Variants in C19orf18 observed in about 807,000 individuals in gnomAD.
C19orf18 encodes the protein uncharacterized protein C19orf18.
A neutral mutation model predicts 23.3 loss-of-function variants in C19orf18; 21 were observed. The observed-to-expected ratio is 0.90, with a 90% CI of 0.64 to 1.30. The LOEUF is 1.30. C19orf18 is among the 50% of genes most tolerant of loss of function. The probability of loss-of-function intolerance (pLI) is 0.00; values close to 1 mark genes in which losing one functional copy is unlikely to be tolerated. For synonymous variants in C19orf18, 96 were observed against 95.2 expected (o/e 1.01, Z -0.05); for missense variants, 249 against 259.6 (o/e 0.96, Z 0.28).
At chr19:57,973,223 A>G (rs2072959092) in intron 2 of C19orf18, among the ~76,000 whole-genome samples, 1 of 150,472 alleles carries the variant, frequency 6.6e-6, no homozygotes, top group African/African-American at 2.5e-5. Context: ...GGGAACCAAC[A>G]ATAGTGTCCT....
chr19:57,966,377 CACATGTTGAAAA>C (rs2072908227), intron 4 of C19orf18, among the ~76,000 whole-genome samples, 141 bp downstream of exon 4: 1 of 151,968 alleles, frequency 6.6e-6, no homozygotes, highest in South Asian at 2.1e-4. Context: ...GAGTACAATC[CACATGTTGAAAA>C]ACACTAATCT....
rs199668166 is a variant in C19orf18 at position 57,958,599 on chromosome 19, C to A, written c.*3G>T. On this transcript the variant is annotated 3_prime_UTR_variant, in exon 6 of 6. Transcript: ENST00000314391. ...CCTCAGCCGGCACCTCTGTCGTCTG[C>A]GTTCACAAGTCTTCCATTTTTCCAT... 6.3e-7 allele frequency: 1 copy of A among 1,581,918 alleles called. No individual in the cohort carries two copies. Among genetic ancestry groups the A allele is most frequent in the East Asian group, 2.3e-5 (1 of 44,410 alleles).
At chr19:57,963,345 T>A (rs2072886388) in intron 4 of C19orf18, among the ~76,000 whole-genome samples, 1 of 151,578 alleles carries the variant, frequency 6.6e-6, no homozygotes, top group African/African-American at 2.4e-5. Flanking sequence ...TCAGTATTTT[T>A]AAAAATTGAA....
Position 57,961,470 on chromosome 19 carries a change from T to C in C19orf18, c.453A>G (p.Glu151=). ...ACTCACCCTCGTCCTCTGAGCCCTC[T>C]TCTTCATCTCCTAATAACGGTATCC... ...NLRIPLLGDE[E]EGSEDEGEST... is the part of the protein sequence containing the mutation. Residue 151 remains glutamate (E), a synonymous_variant, in exon 5 of 6, where the codon GAA becomes GAG. Transcript: ENST00000314391. The C allele has an allele frequency of 6.2e-7, 1 of 1,614,208 alleles. No individual in the cohort carries two copies. The highest frequency in any genetic ancestry group is 8.5e-7 in the Non-Finnish European group (1 of 1,180,034).
At position 57,961,245 on chromosome 19, in the gene C19orf18, TGAAAGAAAGAAAGGAAGGAA is replaced by T. The variant is rs1455887061; in HGVS notation, c.532+126_532+145del. On this transcript the variant is annotated intron_variant, in intron 5 of 5. Coordinates refer to ENST00000314391, the MANE Select transcript of C19orf18 (RefSeq NM_152474.5). ...GTAAGAGTCCGTCTTAAAAAAAAAA[TGAAAGAAAGAAAGGAAGGAA>T]GAAAGAAAGAAAGGAAAGAAAGAAA... The T allele has an allele frequency of 3.1e-5, 25 of 818,460 alleles. 1 individual carries two copies. Among genetic ancestry groups the T allele is most frequent in the East Asian group, 5.7e-5 (2 of 34,876 alleles). The allele number at this position is 818,460 out of a possible 1,614,324, so 50.7% of individuals were successfully genotyped here.
At position 57,974,092 on chromosome 19, in the gene C19orf18, G is replaced by A; in HGVS notation, c.226+7C>T. ...CACTCCACTGAATGAGGAATTCAAT[G>A]ACTCACCCGTGGATCTCGAGGCAGC... On this transcript the variant is annotated splice_region_variant and intron_variant, in intron 2 of 5. Coordinates refer to ENST00000314391, the MANE Select transcript of C19orf18 (RefSeq NM_152474.5). The A allele has an allele frequency of 6.2e-7, 1 of 1,611,730 alleles. No homozygotes were observed. The highest frequency in any genetic ancestry group is 2.2e-5 in the East Asian group (1 of 44,866).
chr19:57,960,995 A>G (rs1404485440), intron 5 of C19orf18, among the ~76,000 whole-genome samples: 1 of 152,016 alleles, frequency 6.6e-6, no homozygotes, highest in African/African-American at 2.4e-5. Context: ...CTGGCACCCG[A>G]GCGTTGGTGG....
At chr19:57,963,828 T>C (rs2072890211) in intron 4 of C19orf18, among the ~76,000 whole-genome samples, 6 of 152,132 alleles carry the variant, frequency 3.9e-5, no homozygotes, top group Admixed American at 3.9e-4. Context: ...AGGCGGGGCT[T>C]GCAGTGAGCT....
rs765172884 is a variant in C19orf18 at position 57,974,392 on chromosome 19, A to C, written c.41T>G (p.Phe14Cys). The stretch of plus-strand genomic sequence containing the variant: ...TAAATGAAGTTGGCATTCCATTAAA[A>C]ACAAAAACAAAATGAGGAAACCACT... The part of the protein sequence containing the change: ...VQSGFLILFL[F>C]LMECQLHLCL... Residue 14 changes from phenylalanine (F) to cysteine (C), a missense_variant, in exon 1 of 6, where the codon TTT (phenylalanine) becomes TGT (cysteine). Coordinates refer to ENST00000314391, the MANE Select transcript of C19orf18 (RefSeq NM_152474.5). 1.2e-6 allele frequency: 2 copies of C among 1,614,144 alleles called. No individual in the cohort carries two copies. The highest frequency in any genetic ancestry group is 2.2e-5 in the South Asian group (2 of 91,074).
Position 57,958,513 on chromosome 19 carries a change from C to T in C19orf18, c.*89G>A. 1 of 824,548 alleles carries T rather than the reference C, an allele frequency of 1.2e-6. No individual in the cohort carries two copies. The highest frequency in any genetic ancestry group is 1.9e-6 in the Non-Finnish European group (1 of 521,522). The allele number at this position is 824,548 out of a possible 1,614,324, so 51.1% of individuals were successfully genotyped here. ...CTTTGATGTCCTCTTCCATAAGGTT[C>T]TCTGGGAGCAAGCCACGCCCACAGG... On this transcript the variant is annotated 3_prime_UTR_variant, in exon 6 of 6. Coordinates refer to ENST00000314391, the MANE Select transcript of C19orf18 (RefSeq NM_152474.5).
At chr19:57,958,760 G>A in intron 5 of C19orf18, 43 bp from the exon 6 acceptor site, 1 of 1,160,010 alleles carries the variant, frequency 8.6e-7, no homozygotes. Flanking sequence ...AATAAGTGAG[G>A]AATAAAAATG....
At chr19:57,972,253 A>T (rs1423902904) in intron 3 of C19orf18, among the ~76,000 whole-genome samples, 6 of 152,192 alleles carry the variant, frequency 3.9e-5, no homozygotes, top group Admixed American at 2.6e-4. Context: ...ACTCACTACA[A>T]CATCAGCCCG....
intron 5 of C19orf18, among the ~76,000 whole-genome samples, chr19:57,959,653 C>T (rs551368262): frequency 6.0e-5 from 9 of 150,884 alleles, no homozygotes; most frequent in Middle Eastern, 3.5e-3. Context: ...AAAATGAGCC[C>T]GGCATAGTGA....
rs771422741 is a variant in C19orf18, at chr19:57,961,421, C to T, written c.502G>A (p.Glu168Lys). 6 of 1,613,704 alleles carry T rather than the reference C, an allele frequency of 3.7e-6. No individual in the cohort carries two copies. The highest frequency in any genetic ancestry group is 1.7e-5 in the Admixed American group (1 of 59,842). ...GESTHLLPEN[E>K]NELEKFIHSV... The stretch of plus-strand genomic sequence containing the variant: ...TGGATGAACTTTTCCAGCTCATTTT[C>T]GTTCTCTGGAAGTAGGTGCGTGGAC... The change falls in exon 5 of 6, where the codon GAA becomes AAA. Residue 168 changes from glutamate (E) to lysine (K), a missense_variant. Glu to Lys is a moderately conservative substitution (Grantham distance 56). Coordinates refer to ENST00000314391, the MANE Select transcript of C19orf18 (RefSeq NM_152474.5).
At chr19:57,965,381 C>T (rs1041267405) in intron 4 of C19orf18, among the ~76,000 whole-genome samples, 4 of 152,110 alleles carry the variant, frequency 2.6e-5, no homozygotes, top group Non-Finnish European at 4.4e-5. Flanking sequence ...GTGATGTACC[C>T]GCCTCAGCCT....
chr19:57,961,464 G>A lies in C19orf18; in HGVS notation c.459C>T (p.Gly153=). The change falls in exon 5 of 6, where the codon GGC becomes GGT. Residue 153 remains glycine, a synonymous_variant. Coordinates refer to ENST00000314391, the MANE Select transcript of C19orf18 (RefSeq NM_152474.5). ...GCGTGGACTCACCCTCGTCCTCTGA[G>A]CCCTCTTCTTCATCTCCTAATAACG... The part of the protein sequence containing the change: ...RIPLLGDEEE[G]SEDEGESTHL... The A allele has an allele frequency of 6.2e-7, 1 of 1,614,134 alleles. No homozygotes were observed. The highest frequency in any genetic ancestry group is 8.5e-7 in the Non-Finnish European group (1 of 1,180,016).
rs770900587 is a variant in C19orf18, at chr19:57,974,117, C to A, written c.208G>T (p.Ala70Ser). 2 of 1,614,054 alleles carry A rather than the reference C, an allele frequency of 1.2e-6. No homozygotes were observed. Among genetic ancestry groups the A allele is most frequent in the Non-Finnish European group, 1.7e-6 (2 of 1,179,972 alleles). The stretch of plus-strand genomic sequence containing the variant: ...GACTCACCCGTGGATCTCGAGGCAG[C>A]CCCTTGAATCCCAGGCAACTGGGTT... ...HKTQLPGIQGAASRSTAASPT... is the reference protein window; with the variant it reads ...HKTQLPGIQGSASRSTAASPT... Residue 70 changes from alanine to serine, a missense_variant, in exon 2 of 6, where the codon GCT (alanine) becomes TCT (serine). Physicochemically the swap from Ala to Ser is moderately conservative, Grantham distance 99 (BLOSUM62 1). Coordinates refer to ENST00000314391, the MANE Select transcript of C19orf18 (RefSeq NM_152474.5).
chr19:57,961,894 T>TTC lies in C19orf18; in HGVS notation c.372-344_372-343insGA, dbSNP rs1568565976. ...CTTTCTCTTCTCTTTTTCTTTCTCT[T>TTC]TTTTTTCCTTTTTCTTTCTTCTTTC... On this transcript the variant is annotated intron_variant, in intron 4 of 5. Coordinates refer to ENST00000314391, the MANE Select transcript of C19orf18 (RefSeq NM_152474.5). Among the ~76,000 whole-genome samples the TTC allele has an allele frequency of 8.5e-3, 1,285 of 150,424 alleles. 17 individuals carry two copies. Among genetic ancestry groups the TTC allele is most frequent in the African/African-American group, 0.029 (1,188 of 40,310 alleles).
In C19orf18 at chr19:57,961,550, G is replaced by C; in HGVS notation, c.373C>G (p.Arg125Gly). The change falls in exon 5 of 6, where the codon CGA becomes GGA. Residue 125 changes from arginine to glycine, a missense_variant and splice_region_variant. Physicochemically the swap from Arg to Gly is moderately radical, Grantham distance 125. Coordinates refer to ENST00000314391, the MANE Select transcript of C19orf18 (RefSeq NM_152474.5). Reference protein sequence around the residue: ...CGMAISYMIYRLAQAEERQQL... With the variant: ...CGMAISYMIYGLAQAEERQQL... ...TGTCTTTCCTCAGCCTGTGCCAGTCGACTGGAGAATGATATAAATGAATTT... is the reference window on the plus strand; with the variant it reads ...TGTCTTTCCTCAGCCTGTGCCAGTCCACTGGAGAATGATATAAATGAATTT... 2 of 1,608,980 alleles carry C rather than the reference G, an allele frequency of 1.2e-6. No homozygotes were observed. The highest frequency in any genetic ancestry group is 1.7e-6 in the Non-Finnish European group (2 of 1,178,796).
Sources: allele counts gnomAD v4.1 joint callset (sites outside exome capture counted in the v4.1 genomes callset), GRCh38; gene constraint gnomAD v4.1.1; transcripts MANE v1.5; gene names NCBI Gene and HGNC (gene_info 2026-07-23, HGNC 2026-07-21).